Variants in PCNX4 observed in about 807,000 individuals in gnomAD.
PCNX4 encodes pecanex 4, also known as pecanex-like protein 4.
PCNX4 carries 103 observed loss-of-function variants against 107.2 expected under a neutral mutation model. The ratio of observed to expected loss-of-function variants is 0.96; its 90% CI spans 0.82 to 1.13. The LOEUF is 1.13. Among genes scored for constraint, PCNX4 ranks in the 50% most tolerant of loss-of-function variants. PCNX4 has a pLI of 0.00. For missense variants in PCNX4, 1,528 were observed against 1,379.4 expected, an observed-to-expected ratio of 1.11 and a Z score of -1.71; for synonymous variants, 541 against 481.7, an observed-to-expected ratio of 1.12 and a Z score of -1.61.
intron 1 of PCNX4, among the ~76,000 whole-genome samples, chr14:60,102,054 T>C (rs77157544): frequency 1.3e-5 from 2 of 152,300 alleles, no homozygotes; most frequent in East Asian, 3.9e-4. Context: ...AGAATGGTGA[T>C]TGCCAGAGAA....
At chr14:60,119,974 C>T (rs1429698464) in intron 7 of PCNX4, among the ~76,000 whole-genome samples, 1 of 152,072 alleles carries the variant, frequency 6.6e-6, no homozygotes, top group Non-Finnish European at 1.5e-5. Context: ...GTATATATCC[C>T]GTGGCTCAGG....
chr14:60,134,317 ACC>A lies in PCNX4; in HGVS notation c.*100_*101del. 7.0e-7 allele frequency: 1 copy of A among 1,427,348 alleles called. No individual in the cohort carries two copies. The highest frequency in any genetic ancestry group is 9.6e-7 in the Non-Finnish European group (1 of 1,046,024). The allele number at this position is 1,427,348 out of a possible 1,614,324, so 88.4% of individuals were successfully genotyped here. A position where few individuals can be genotyped will look rare whatever the true frequency, so the allele number is the denominator to read the frequency against. On this transcript the variant is annotated 3_prime_UTR_variant, in exon 11 of 11. Transcript: ENST00000406854. ...TCTTGTAACTTGAGGACTTCTCCAC[ACC>A]CCCATTCAGATGCCTGAGAACAGCT...
At chr14:60,110,064 G>GT (rs1236154945) in intron 2 of PCNX4, 1 of 167,112 alleles carries the variant, frequency 6.0e-6, no homozygotes, top group Admixed American at 6.5e-5. Flanking sequence ...TATCCATATT[G>GT]TAAAACATGA....
intron 8 of PCNX4, among the ~76,000 whole-genome samples, chr14:60,123,116 T>G (rs945958205): frequency 2.0e-5 from 3 of 152,172 alleles, no homozygotes; most frequent in African/African-American, 7.2e-5. Context: ...CAAAAAATAT[T>G]GAGGACATTT....
chr14:60,104,318 CAAAAAAAAAAAAAAAAA>C (rs200434027), intron 1 of PCNX4, among the ~76,000 whole-genome samples: 229 of 129,414 alleles, frequency 1.8e-3, no homozygotes, highest in Admixed American at 2.0e-3. Context: ...GACTCCATCT[CAAAAAAAAAAAAAAAAA>C]AAAAAAAAAA....
chr14:60,121,326 GTAT>G, intron 8 of PCNX4, 27 bp downstream of exon 8: 2 of 1,595,366 alleles, frequency 1.3e-6, no homozygotes, highest in Non-Finnish European at 1.7e-6. Flanking sequence ...AACATCTGTA[GTAT>G]TTTTATAGTT....
At chr14:60,111,918 A>G (rs1895747684) in intron 2 of PCNX4, among the ~76,000 whole-genome samples, 1 of 152,224 alleles carries the variant, frequency 6.6e-6, no homozygotes, top group Admixed American at 6.5e-5. Flanking sequence ...TAAGAAAATA[A>G]TAGAATTGAG....
chr14:60,109,060 G>A (rs1895686458), intron 2 of PCNX4: 1 of 166,926 alleles, frequency 6.0e-6, no homozygotes, highest in African/African-American at 2.4e-5. Context: ...GAGGTAATTA[G>A]GTCATGAAGG....
chr14:60,128,805 G>T (rs1024212139), intron 10 of PCNX4, among the ~76,000 whole-genome samples: 1 of 152,170 alleles, frequency 6.6e-6, no homozygotes, highest in African/African-American at 2.4e-5. Flanking sequence ...GCTAATAATT[G>T]CACAAAGGAA....
intron 7 of PCNX4, among the ~76,000 whole-genome samples, chr14:60,118,982 G>A (rs778167536): frequency 9.2e-5 from 14 of 151,974 alleles, no homozygotes; most frequent in Non-Finnish European, 1.9e-4. Flanking sequence ...ATGCACCATC[G>A]AAACATGGAA....
intron 7 of PCNX4, among the ~76,000 whole-genome samples, chr14:60,120,962 G>T (rs891302237): frequency 6.6e-6 from 1 of 151,940 alleles, no homozygotes; most frequent in Non-Finnish European, 1.5e-5. Context: ...GAAAATCCTT[G>T]AGTTTTTATG....
Position 60,138,090 on chromosome 14 carries a change from CAAAAA to C in PCNX4, c.*3870_*3874del, listed in dbSNP as rs1342940746. 4 of 99,832 alleles carry C rather than the reference CAAAAA, an allele frequency of 4.0e-5. No individual in the cohort carries two copies. The highest frequency in any genetic ancestry group is 8.0e-5 in the Non-Finnish European group (4 of 50,174). 6.2% of individuals were successfully genotyped at this position (99,832 alleles called of 1,614,324 possible). A position where few individuals can be genotyped will look rare whatever the true frequency, so the allele number is the denominator to read the frequency against. Reference sequence around the variant, plus strand: ...TGGGCGACAGAGCGAGACTCCATCTCAAAAAGAAAAAAAAAAAAAAAGGATTCAGT... The same window carrying C: ...TGGGCGACAGAGCGAGACTCCATCTCGAAAAAAAAAAAAAAAGGATTCAGT... On this transcript the variant is annotated 3_prime_UTR_variant, in exon 11 of 11. Coordinates refer to ENST00000406854, the MANE Select transcript of PCNX4 (RefSeq NM_001330177.2).
intron 10 of PCNX4, chr14:60,126,176 GA>G (rs1421106308): frequency 6.4e-6 from 1 of 156,604 alleles, no homozygotes; most frequent in Non-Finnish European, 1.4e-5. Flanking sequence ...TTGACTCCTA[GA>G]AAAATTTATC....
rs141333786 is a variant in PCNX4 at position 60,124,911 on chromosome 14, G to A, written c.2740G>A (p.Ala914Thr). The change falls in exon 9 of 11, where the codon GCA becomes ACA. Residue 914 changes from alanine (A) to threonine (T), a missense_variant. By Grantham distance (58) the Ala-to-Thr change is moderately conservative (BLOSUM62 0). Coordinates refer to ENST00000406854, the MANE Select transcript of PCNX4 (RefSeq NM_001330177.2). ...CSHSHLVCLPAEWRTSCMPSS... is the reference protein window; with the variant it reads ...CSHSHLVCLPTEWRTSCMPSS... Reference sequence around the variant, plus strand: ...ACATTCTCACTTAGTATGCTTACCCGCAGAGTGGAGGACTAGCTGTATGCC... The same window carrying A: ...ACATTCTCACTTAGTATGCTTACCCACAGAGTGGAGGACTAGCTGTATGCC... The A allele has an allele frequency of 9.1e-5, 147 of 1,613,666 alleles. No individual in the cohort carries two copies. The highest frequency in any genetic ancestry group is 1.3e-4 in the African/African-American group (10 of 74,912).
chr14:60,147,720 A>G lies in PCNX4; in HGVS notation c.*13499A>G, dbSNP rs2140586883. 6.6e-6 allele frequency: 1 copy of G among 152,284 alleles called. No individual in the cohort carries two copies. The allele number at this position is 152,284 out of a possible 1,614,324, so 9.4% of individuals were successfully genotyped here. On this transcript the variant is annotated 3_prime_UTR_variant, in exon 11 of 11. Transcript: ENST00000406854. The stretch of plus-strand genomic sequence containing the variant: ...CATCATTAATCTCCATCTTATATTA[A>G]TAGATGGGGAGACTGAGTGATAGAG...
In PCNX4 at chr14:60,143,728, T is replaced by G. The variant is rs547034037; in HGVS notation, c.*9507T>G. 6.6e-6 allele frequency: 1 copy of G among 152,354 alleles called. No homozygotes were observed. The highest frequency in any genetic ancestry group is 2.1e-4 in the South Asian group (1 of 4,830). The allele number at this position is 152,354 out of a possible 1,614,324, so 9.4% of individuals were successfully genotyped here. ...TCCCCCTTTTCCAAGGACAGCCACT[T>G]GGGTGGCTTCCAACTTGCCCAACAA... On this transcript the variant is annotated 3_prime_UTR_variant, in exon 11 of 11. Transcript: ENST00000406854.
chr14:60,114,001 G>A (rs149776869), intron 2 of PCNX4, among the ~76,000 whole-genome samples: 11 of 152,296 alleles, frequency 7.2e-5, no homozygotes, highest in Non-Finnish European at 1.6e-4. Context: ...ATTGTAGTGT[G>A]CAAGTTTGTG....
intron 7 of PCNX4, among the ~76,000 whole-genome samples, chr14:60,119,552 T>C (rs1895916597): frequency 6.6e-6 from 1 of 152,202 alleles, no homozygotes; most frequent in Non-Finnish European, 1.5e-5. Context: ...AAAAAAATAT[T>C]TTATCTTTGT....
intron 2 of PCNX4, among the ~76,000 whole-genome samples, chr14:60,113,881 A>G (rs917239179): frequency 2.0e-5 from 3 of 152,306 alleles, no homozygotes; most frequent in Middle Eastern, 3.4e-3. Context: ...TCTGTGCTTT[A>G]AAATTAAATT....
Sources: gnomAD v4.1 joint callset for allele counts (sites outside exome capture counted in the v4.1 genomes callset) on GRCh38, gnomAD v4.1.1 for gene constraint, MANE v1.5 for transcripts, NCBI Gene and HGNC (gene_info 2026-07-23, HGNC 2026-07-21) for gene names.